PRKDC: variants seen among roughly 807,000 people sequenced by gnomAD.
PRKDC encodes the protein DNA-dependent protein kinase catalytic subunit.
Under a neutral mutation model 486.9 loss-of-function variants are expected in PRKDC, and 82 were observed. The ratio of observed to expected loss-of-function variants is 0.17; its 90% CI spans 0.14 to 0.20. The LOEUF is 0.20. PRKDC is among the 10% of genes least tolerant of loss of function. PRKDC has a pLI of 1.00. For missense variants in PRKDC, 4,504 were observed against 5,038.2 expected (o/e 0.89, Z 3.21); for synonymous variants, 1,895 against 1,837.0 (o/e 1.03, Z -0.81).
chr8:47,826,812 A>C lies in PRKDC; in HGVS notation c.8627T>G (p.Val2876Gly), dbSNP rs1589724339. The change falls in exon 63 of 86, where the codon GTT becomes GGT. Residue 2876 changes from valine to glycine, a missense_variant. Around this residue, in one of 6 missense-constraint regions of PRKDC, gnomAD observed 1,592 missense variants for 1,724.6 expected, o/e 0.92. Coordinates refer to ENST00000314191, the MANE Select transcript of PRKDC (RefSeq NM_006904.7). ...TAGGCTGGCCAGGCAACCAGCGCTA[A>C]CAGCCGCTGGGTCGAGGCTCAGCAG... ...AALLSLDPAA[V>G]SAGCLASLQQ... 1 of 1,606,148 alleles carries C rather than the reference A, an allele frequency of 6.2e-7. No homozygotes were observed. Among genetic ancestry groups the C allele is most frequent in the Non-Finnish European group, 8.5e-7 (1 of 1,176,430 alleles).
At chr8:47,830,998 A>C (rs1197291320) in intron 60 of PRKDC, among the ~76,000 whole-genome samples, 1 of 152,212 alleles carries the variant, frequency 6.6e-6, no homozygotes, top group African/African-American at 2.4e-5. Flanking sequence ...TTTGATTTAG[A>C]AGTATTTAAA....
At chr8:47,952,051 T>C (rs920573841) in intron 7 of PRKDC, among the ~76,000 whole-genome samples, 7 of 152,174 alleles carry the variant, frequency 4.6e-5, no homozygotes, top group Admixed American at 2.0e-4. Flanking sequence ...TGAAAAACAG[T>C]ATGACGATTT....
intron 61 of PRKDC, 68 bp from the exon 62 acceptor site, chr8:47,828,415 T>C (rs2087787256): frequency 7.6e-7 from 1 of 1,315,576 alleles, no homozygotes; most frequent in Non-Finnish European, 1.0e-6. Flanking sequence ...ACCAATACTA[T>C]CAGAGCTTGG....
Position 47,837,267 on chromosome 8 carries a change from C to T in PRKDC, c.7706G>A (p.Ser2569Asn). 6.2e-7 allele frequency: 1 copy of T among 1,613,862 alleles called. No homozygotes were observed. Among genetic ancestry groups the T allele is most frequent in the Non-Finnish European group, 8.5e-7 (1 of 1,179,854 alleles). Residue 2569 changes from serine (S) to asparagine (N), a missense_variant, in exon 57 of 86, where the codon AGC becomes AAC. Ser to Asn is a conservative substitution (Grantham distance 46). This residue lies in a region of PRKDC where 1,592 missense variants were observed against 1,724.6 expected (regional missense o/e 0.92). Transcript: ENST00000314191. ...TNFLLEMTSM[S>N]PDYPNPMFEH... ...GAACATGGGGTTTGGATAATCTGGG[C>T]TCATGCTGGTCATTTCGAGCAGAAA...
intron 30 of PRKDC, among the ~76,000 whole-genome samples, chr8:47,893,720 A>G (rs1447067715): frequency 6.6e-6 from 1 of 152,254 alleles, no homozygotes; most frequent in Non-Finnish European, 1.5e-5. Flanking sequence ...GGGCTGTTAC[A>G]AAAATTAGCT....
At chr8:47,947,123 C>T (rs1483103288) in intron 7 of PRKDC, among the ~76,000 whole-genome samples, 7 of 152,178 alleles carry the variant, frequency 4.6e-5, no homozygotes, top group Non-Finnish European at 1.0e-4. Context: ...GACCACTGCA[C>T]GCAGGCTAAG....
At chr8:47,959,306 T>G (rs2154504823) in intron 1 of PRKDC, 1 of 152,324 alleles carries the variant, frequency 6.6e-6, no homozygotes, top group African/African-American at 2.4e-5. Context: ...TTTCTTCAAT[T>G]TTTCTCAAAG....
chr8:47,908,954 C>T (rs1427730430), intron 25 of PRKDC, among the ~76,000 whole-genome samples: 1 of 152,176 alleles, frequency 6.6e-6, no homozygotes, highest in Non-Finnish European at 1.5e-5. Context: ...GAACTCTTCT[C>T]AACTAGGCCT....
Position 47,782,393 on chromosome 8 carries a change from A to G in PRKDC, c.11381T>C (p.Val3794Ala). 1 of 1,604,910 alleles carries G rather than the reference A, an allele frequency of 6.2e-7. No homozygotes were observed. Among genetic ancestry groups the G allele is most frequent in the East Asian group, 2.2e-5 (1 of 44,648 alleles). Reference protein sequence around the residue: ...RALQLRTYSVVPMTSRLGLIE... With the variant: ...RALQLRTYSVAPMTSRLGLIE... ...TGGCAGTTACCTGGAGGTCATGGGC[A>G]CAACGCTATAGGTCCTCAGCTGCAG... is the stretch of plus-strand genomic sequence containing the variant. Residue 3794 changes from valine to alanine, a missense_variant, in exon 79 of 86, where the codon GTG becomes GCG. Val to Ala is a moderately conservative substitution (Grantham distance 64). This residue lies in a region of PRKDC where 706 missense variants were observed against 945.0 expected (regional missense o/e 0.75). Transcript: ENST00000314191. The surrounding 1 kb of genome is among the most constrained non-coding windows in gnomAD (Gnocchi z 4.9).
At chr8:47,875,410 G>T (rs1397932938) in intron 40 of PRKDC, among the ~76,000 whole-genome samples, 1 of 152,124 alleles carries the variant, frequency 6.6e-6, no homozygotes, top group Non-Finnish European at 1.5e-5. Flanking sequence ...AACAAATACT[G>T]ATTTTTCTCC....
At chr8:47,791,432 G>A (rs768118876) in intron 74 of PRKDC, among the ~76,000 whole-genome samples, 3 of 151,998 alleles carry the variant, frequency 2.0e-5, no homozygotes, top group Non-Finnish European at 2.9e-5. Context: ...CAGAGATTGC[G>A]CCACTGCACT....
At chr8:47,831,450 T>C (rs1376721398) in intron 60 of PRKDC, among the ~76,000 whole-genome samples, 1 of 152,186 alleles carries the variant, frequency 6.6e-6, no homozygotes, top group East Asian at 1.9e-4. Flanking sequence ...CCTGGCCACC[T>C]GTCCTCGGGG....
intron 60 of PRKDC, 100 bp from the exon 61 acceptor site, chr8:47,830,836 G>A: frequency 1.4e-6 from 2 of 1,467,622 alleles, no homozygotes. Context: ...AACCATGAGG[G>A]CGAAGTGGTG....
At chr8:47,902,489 A>G (rs1250081715) in intron 27 of PRKDC, 80 bp downstream of exon 27, 1 of 943,472 alleles carries the variant, frequency 1.1e-6, no homozygotes, top group Non-Finnish European at 1.5e-6. Context: ...AGGAAATATG[A>G]CACACGGATA....
intron 61 of PRKDC, among the ~76,000 whole-genome samples, chr8:47,830,094 A>G (rs527705161): frequency 6.6e-6 from 1 of 152,364 alleles, no homozygotes; most frequent in East Asian, 1.9e-4. Context: ...GACCAATGGA[A>G]CAGAATAGAG....
chr8:47,934,689 A>G (rs1405439910), intron 14 of PRKDC, among the ~76,000 whole-genome samples: 1 of 152,174 alleles, frequency 6.6e-6, no homozygotes, highest in South Asian at 2.1e-4. Context: ...CTTTCATCTC[A>G]TCATATGTCC....
chr8:47,907,466 C>T (rs1227137169), intron 25 of PRKDC, among the ~76,000 whole-genome samples: 1 of 150,032 alleles, frequency 6.7e-6, no homozygotes, highest in Non-Finnish European at 1.5e-5. Context: ...TATAGAAAAT[C>T]ATCCCTCTAC....
At chr8:47,865,534 T>C (rs2088788978) in intron 40 of PRKDC, among the ~76,000 whole-genome samples, 1 of 152,186 alleles carries the variant, frequency 6.6e-6, no homozygotes, top group African/African-American at 2.4e-5. Flanking sequence ...TAATCACCTA[T>C]AAAGTTTTGT....
At position 47,885,994 on chromosome 8, in the gene PRKDC, C is replaced by T. The variant is rs761621190; in HGVS notation, c.4726G>A (p.Asp1576Asn). The T allele has an allele frequency of 3.1e-6, 5 of 1,613,940 alleles. No homozygotes were observed. Among genetic ancestry groups the T allele is most frequent in the Non-Finnish European group, 4.2e-6 (5 of 1,179,892 alleles). Reference sequence around the variant, plus strand: ...TGCATGAGCTCCAATACAGCAAGATCCAGATTTTTCAATAATTCCGTGTTG... The same window carrying T: ...TGCATGAGCTCCAATACAGCAAGATTCAGATTTTTCAATAATTCCGTGTTG... ...TINTELLKNL[D>N]LAVLELMQSS... Residue 1576 changes from aspartate (D) to asparagine (N), a missense_variant, in exon 36 of 86, where the codon GAT becomes AAT. Physicochemically the swap from Asp to Asn is conservative, Grantham distance 23 (BLOSUM62 1). Around this residue, in one of 6 missense-constraint regions of PRKDC, gnomAD observed 1,969 missense variants for 2,068.9 expected, o/e 0.95. Coordinates refer to ENST00000314191, the MANE Select transcript of PRKDC (RefSeq NM_006904.7).
Sources: gnomAD v4.1 joint callset for allele counts (sites outside exome capture counted in the v4.1 genomes callset) on GRCh38, gnomAD v4.1.1 for gene constraint, gnomAD v4.1.1 regional missense constraint, Gnocchi (gnomAD v3.1) non-coding constraint, MANE v1.5 for transcripts, NCBI Gene and HGNC (gene_info 2026-07-23, HGNC 2026-07-21) for gene names.